The following ATF2 variants were observed in gnomAD, a reference collection of about 807,000 sequenced individuals.
The protein encoded by ATF2 is cyclic AMP-dependent transcription factor ATF-2.
ATF2 carries 24 observed loss-of-function variants against 60.6 expected under a neutral mutation model. That is an observed-to-expected ratio of 0.40 (90% CI 0.29 to 0.56). ATF2 has a LOEUF of 0.56. ATF2 is among the 20% of genes least tolerant of loss of function. ATF2 has a pLI of 0.54. For missense variants in ATF2, 433 were observed against 607.7 expected (o/e 0.71, Z 3.02); for synonymous variants, 206 against 215.4 (o/e 0.96, Z 0.38).
chr2:175,072,926 A>G lies in ATF2; in HGVS notation c.*1683T>C, dbSNP rs572106494. ...CCAGTTTGGAACTTAGGCAGGAGGG[A>G]TATTTCCTTGAATTATCAAGGATAT... On this transcript the variant is annotated 3_prime_UTR_variant, in exon 14 of 14. Coordinates refer to ENST00000264110, the MANE Select transcript of ATF2 (RefSeq NM_001880.4). 12 of 152,282 alleles carry G rather than the reference A, an allele frequency of 7.9e-5. No homozygotes were observed. The highest frequency in any genetic ancestry group is 2.6e-4 in the African/African-American group (11 of 41,566). The allele number at this position is 152,282 out of a possible 1,614,324, so 9.4% of individuals were successfully genotyped here.
chr2:175,122,126 A>C (rs1179138541), intron 4 of ATF2, among the ~76,000 whole-genome samples: 1 of 151,962 alleles, frequency 6.6e-6, no homozygotes, highest in Non-Finnish European at 1.5e-5. Flanking sequence ...AAAAAATTTA[A>C]AGTAGCCAAA....
intron 12 of ATF2, among the ~76,000 whole-genome samples, chr2:175,081,406 C>G (rs1160274424): frequency 6.6e-6 from 1 of 152,166 alleles, no homozygotes; most frequent in African/African-American, 2.4e-5. Context: ...TTGTCCTAAT[C>G]TTCAGAATGA....
chr2:175,159,857 C>T (rs1024559226), intron 1 of ATF2, among the ~76,000 whole-genome samples: 1 of 152,006 alleles, frequency 6.6e-6, no homozygotes, highest in Non-Finnish European at 1.5e-5. Flanking sequence ...ATAACATCAC[C>T]TTAGATTTGG....
rs535537721 is a variant in ATF2 at position 175,108,663 on chromosome 2, C to G, written c.828+2905G>C. On this transcript the variant is annotated intron_variant, in intron 10 of 13. Transcript: ENST00000264110. Reference sequence around the variant, plus strand: ...GAGCCCCTTTGCCTGGCCACCACCCCATCTGGGAGGTGTACCCAACAGCTC... The same window carrying G: ...GAGCCCCTTTGCCTGGCCACCACCCGATCTGGGAGGTGTACCCAACAGCTC... Among the ~76,000 whole-genome samples, 797 of 152,312 alleles carry G rather than the reference C, an allele frequency of 5.2e-3. 5 individuals carry two copies. Among genetic ancestry groups the G allele is most frequent in the African/African-American group, 0.018 (750 of 41,572 alleles).
rs142443599 is a variant in ATF2, at chr2:175,074,815, A to T, written c.1312T>A (p.Ser438Thr). Reference sequence around the variant, plus strand: ...CTACTCGGCACTGAAATGTCTTCTGAACTATCATCTTTATCAGCAGCTGGG... The same window carrying T: ...CTACTCGGCACTGAAATGTCTTCTGTACTATCATCTTTATCAGCAGCTGGG... ...GYHTADKDDS[S>T]EDISVPSSPH... The change falls in exon 14 of 14, where the codon TCA becomes ACA. Residue 438 changes from serine to threonine, a missense_variant. Physicochemically the swap from Ser to Thr is moderately conservative, Grantham distance 58. Transcript: ENST00000264110. 5.8e-4 allele frequency: 938 copies of T among 1,613,474 alleles called. 1 individual carries two copies. The highest frequency in any genetic ancestry group is 7.3e-4 in the Non-Finnish European group (861 of 1,179,630).
At position 175,113,953 on chromosome 2, in the gene ATF2, T is replaced by C. The variant is rs755763385; in HGVS notation, c.741+41A>G. On this transcript the variant is annotated intron_variant, in intron 9 of 13. Coordinates refer to ENST00000264110, the MANE Select transcript of ATF2 (RefSeq NM_001880.4). Reference sequence around the variant, plus strand: ...CAACTTTATTTTCTGACTACAAAGATCAGTTTTGCGATAGAGATTTAAATA... The same window carrying C: ...CAACTTTATTTTCTGACTACAAAGACCAGTTTTGCGATAGAGATTTAAATA... The C allele has an allele frequency of 4.0e-6, 6 of 1,508,172 alleles. No homozygotes were observed. In the Admixed American group the frequency reaches 1.1e-4, roughly 28 times the overall value. 93.4% of individuals were successfully genotyped at this position (1,508,172 alleles called of 1,614,324 possible).
chr2:175,092,414 A>C (rs1458840172), intron 12 of ATF2: 1 of 165,754 alleles, frequency 6.0e-6, no homozygotes, highest in African/African-American at 2.4e-5. Context: ...AAAGGAAGGA[A>C]GAAAAACAAA....
chr2:175,113,501 A>G (rs1696346810), intron 9 of ATF2, among the ~76,000 whole-genome samples: 1 of 152,144 alleles, frequency 6.6e-6, no homozygotes, highest in Non-Finnish European at 1.5e-5. Context: ...ACACCCCTCA[A>G]AAAACTTTTT....
chr2:175,120,011 C>T (rs1404417095), intron 5 of ATF2, among the ~76,000 whole-genome samples: 2 of 151,444 alleles, frequency 1.3e-5, no homozygotes, highest in Admixed American at 6.6e-5. Flanking sequence ...GTAATGTTAA[C>T]CTATTCATCT....
chr2:175,079,101 T>A (rs1310221246), intron 13 of ATF2, among the ~76,000 whole-genome samples: 1 of 152,144 alleles, frequency 6.6e-6, no homozygotes. Context: ...TATATAAACC[T>A]ACGCATCTAT....
At chr2:175,134,662 C>G (rs1186114939) in intron 3 of ATF2, among the ~76,000 whole-genome samples, 3 of 151,796 alleles carry the variant, frequency 2.0e-5, no homozygotes, top group African/African-American at 7.3e-5. Flanking sequence ...AGAATTTCAA[C>G]AAGTGCAGAA....
chr2:175,150,243 C>T (rs1699222011), intron 2 of ATF2, among the ~76,000 whole-genome samples: 1 of 152,032 alleles, frequency 6.6e-6, no homozygotes. Context: ...ATTAGAATAA[C>T]TATACTTTTA....
chr2:175,120,438 T>C (rs1696876929), intron 5 of ATF2, among the ~76,000 whole-genome samples: 1 of 151,750 alleles, frequency 6.6e-6, no homozygotes, highest in South Asian at 2.1e-4. Flanking sequence ...CTTTGTTACC[T>C]TCAATTTCTT....
At chr2:175,155,744 C>T (rs773837977) in intron 1 of ATF2, among the ~76,000 whole-genome samples, 5 of 152,090 alleles carry the variant, frequency 3.3e-5, no homozygotes, top group South Asian at 2.1e-4. Context: ...GAAAAAGGGA[C>T]GCTGAAAACT....
In ATF2 at chr2:175,077,482, T is replaced by C. The variant is rs550033516; in HGVS notation, c.1292-2647A>G. ...CTGTTGTTTCCTGACTTTTTAATGA[T>C]CACCATTCTAACTTCACCACTATTC... On this transcript the variant is annotated intron_variant, in intron 13 of 13. Coordinates refer to ENST00000264110, the MANE Select transcript of ATF2 (RefSeq NM_001880.4). Among the ~76,000 whole-genome samples, 7 of 152,292 alleles carry C rather than the reference T, an allele frequency of 4.6e-5. No homozygotes were observed. The South Asian group carries it at 1.5e-3, about 32-fold the overall frequency.
chr2:175,109,701 AT>A (rs1252821970), intron 10 of ATF2, among the ~76,000 whole-genome samples: 3 of 152,238 alleles, frequency 2.0e-5, no homozygotes, highest in Non-Finnish European at 2.9e-5. Flanking sequence ...TAATATCTAT[AT>A]CTGCTCTATT....
At chr2:175,104,472 G>C (rs1387324394) in intron 10 of ATF2, among the ~76,000 whole-genome samples, 1 of 152,062 alleles carries the variant, frequency 6.6e-6, no homozygotes, top group Non-Finnish European at 1.5e-5. Flanking sequence ...CAGGGTGGGG[G>C]GGGCGGTGCG....
chr2:175,150,671 T>G (rs767759289), intron 2 of ATF2, among the ~76,000 whole-genome samples: 8 of 152,050 alleles, frequency 5.3e-5, no homozygotes, highest in African/African-American at 9.7e-5. Context: ...GTGGGTAAAC[T>G]TTTTGCCCAA....
chr2:175,082,028 A>G (rs1251645231), intron 12 of ATF2, among the ~76,000 whole-genome samples: 3 of 152,240 alleles, frequency 2.0e-5, no homozygotes, highest in Non-Finnish European at 4.4e-5. Flanking sequence ...ACTGTACTCC[A>G]GCCTTGGTGA....
Sources: allele counts gnomAD v4.1 joint callset (sites outside exome capture counted in the v4.1 genomes callset), GRCh38; gene constraint gnomAD v4.1.1; transcripts MANE v1.5; gene names NCBI Gene and HGNC (gene_info 2026-07-23, HGNC 2026-07-21).